Variants in ULK4 observed in about 807,000 individuals in gnomAD.
The protein encoded by ULK4 is inactive serine/threonine-protein kinase ULK4.
A neutral mutation model predicts 160.6 loss-of-function variants in ULK4; 133 were observed. The observed-to-expected ratio is 0.83, with a 90% CI of 0.72 to 0.96. The LOEUF (loss-of-function observed/expected upper bound fraction) is 0.96. Among genes scored for constraint, ULK4 ranks in the 40% least tolerant of loss-of-function variants. The pLI, the probability that ULK4 is intolerant of heterozygous loss-of-function variation, is 0.00. For missense variants in ULK4, 1,580 were observed against 1,499.5 expected, an observed-to-expected ratio of 1.05 and a Z score of -0.89; for synonymous variants, 534 against 539.8, an observed-to-expected ratio of 0.99 and a Z score of 0.15.
intron 16 of ULK4, among the ~76,000 whole-genome samples, chr3:41,886,019 G>A (rs1697707989): frequency 6.6e-6 from 1 of 152,044 alleles, no homozygotes; most frequent in South Asian, 2.1e-4. Flanking sequence ...CTGAGGGTGA[G>A]GGAGACAGTA....
chr3:41,280,482 T>C (rs1020521902), intron 35 of ULK4, among the ~76,000 whole-genome samples: 10 of 152,206 alleles, frequency 6.6e-5, no homozygotes, highest in African/African-American at 1.9e-4. Flanking sequence ...TGCAATCAAA[T>C]TAGAACTCAG....
At chr3:41,864,368 G>GTT (rs1559616703) in intron 17 of ULK4, among the ~76,000 whole-genome samples, 1 of 117,212 alleles carries the variant, frequency 8.5e-6, no homozygotes, top group Non-Finnish European at 2.0e-5. Flanking sequence ...GTTTTGTTTT[G>GTT]TTTTGTTTTG....
chr3:41,613,476 A>G (rs900065877), intron 31 of ULK4, among the ~76,000 whole-genome samples: 8 of 151,820 alleles, frequency 5.3e-5, no homozygotes, highest in Admixed American at 1.3e-4. Context: ...AACACCATTG[A>G]TTTGGAAAGT....
intron 35 of ULK4, among the ~76,000 whole-genome samples, chr3:41,279,257 A>AAAAAAC (rs1559501507): frequency 3.5e-5 from 4 of 115,264 alleles, no homozygotes; most frequent in African/African-American, 1.5e-4. Flanking sequence ...AAAAAGAGTA[A>AAAAAAC]AAAAAAAAAA....
intron 31 of ULK4, among the ~76,000 whole-genome samples, chr3:41,582,521 T>G (rs2576194): frequency 6.6e-6 from 1 of 152,120 alleles, no homozygotes; most frequent in Admixed American, 6.5e-5. Flanking sequence ...GTCAGCCTCA[T>G]GGTCAGCCCC....
At chr3:41,687,374 G>GAA (rs879559730) in intron 27 of ULK4, among the ~76,000 whole-genome samples, 1 of 119,814 alleles carries the variant, frequency 8.3e-6, no homozygotes, top group Admixed American at 8.2e-5. Context: ...TCCATCTCAA[G>GAA]AAAAAAAAAA....
intron 35 of ULK4, among the ~76,000 whole-genome samples, chr3:41,357,506 G>A (rs774715743): frequency 7.9e-5 from 12 of 152,116 alleles, no homozygotes; most frequent in Non-Finnish European, 1.3e-4. Flanking sequence ...TCTGCTTCCC[G>A]CGGTGTCAGT....
intron 12 of ULK4, among the ~76,000 whole-genome samples, chr3:41,904,501 T>C (rs1698484567): frequency 2.0e-5 from 3 of 152,216 alleles, no homozygotes; most frequent in Admixed American, 2.0e-4. Context: ...ATTCACATTA[T>C]TGATTATATT....
At chr3:41,612,277 C>A (rs1423771771) in intron 31 of ULK4, among the ~76,000 whole-genome samples, 1 of 152,056 alleles carries the variant, frequency 6.6e-6, no homozygotes, top group Non-Finnish European at 1.5e-5. Flanking sequence ...GCTGAACTCC[C>A]TCCTCCTTCC....
chr3:41,717,402 C>T (rs755960286), intron 23 of ULK4, among the ~76,000 whole-genome samples: 5 of 151,830 alleles, frequency 3.3e-5, no homozygotes, highest in East Asian at 1.9e-4. Flanking sequence ...AAAAAACTTA[C>T]GAAAAGTTAC....
intron 34 of ULK4, among the ~76,000 whole-genome samples, chr3:41,401,515 T>C (rs2082178091): frequency 6.6e-6 from 1 of 152,142 alleles, no homozygotes; most frequent in African/African-American, 2.4e-5. Flanking sequence ...AGTTCCGTGT[T>C]GTATCTATGG....
chr3:41,290,700 T>C (rs985247274), intron 35 of ULK4, among the ~76,000 whole-genome samples: 1 of 152,210 alleles, frequency 6.6e-6, no homozygotes, highest in Non-Finnish European at 1.5e-5. Flanking sequence ...CCAGAATTAT[T>C]TGAACTCCTC....
chr3:41,850,214 T>A (rs1365148393), intron 17 of ULK4, among the ~76,000 whole-genome samples: 2 of 152,220 alleles, frequency 1.3e-5, no homozygotes, highest in African/African-American at 4.8e-5. Context: ...TCTATCATTG[T>A]GGGACATTTG....
chr3:41,445,408 ATC>A (rs2083274825), intron 34 of ULK4, among the ~76,000 whole-genome samples: 10 of 151,904 alleles, frequency 6.6e-5, no homozygotes, highest in Admixed American at 5.9e-4. Context: ...AAGAGCCTGC[ATC>A]GCCAAGTCAA....
At chr3:41,294,534 T>C (rs1287456448) in intron 35 of ULK4, among the ~76,000 whole-genome samples, 2 of 152,050 alleles carry the variant, frequency 1.3e-5, no homozygotes, top group South Asian at 4.2e-4. Flanking sequence ...GAATCATGAG[T>C]TTTTCTGAAA....
chr3:41,830,415 T>A (rs975105698), intron 18 of ULK4, among the ~76,000 whole-genome samples: 2 of 151,960 alleles, frequency 1.3e-5, no homozygotes, highest in African/African-American at 4.8e-5. Context: ...CAAGTCTATA[T>A]AAAGAAAGCA....
intron 2 of ULK4, among the ~76,000 whole-genome samples, chr3:41,949,245 G>A (rs1700208710): frequency 6.6e-6 from 1 of 151,818 alleles, no homozygotes; most frequent in Non-Finnish European, 1.5e-5. Context: ...GGAGGCAAAG[G>A]TTGCAGTGTG....
chr3:41,926,473 G>A (rs1699388538), intron 5 of ULK4, among the ~76,000 whole-genome samples: 1 of 152,144 alleles, frequency 6.6e-6, no homozygotes, highest in Non-Finnish European at 1.5e-5. Flanking sequence ...CGCCAGCAAA[G>A]GAACAAAACT....
chr3:41,809,014 A>T (rs1157737723), intron 19 of ULK4, among the ~76,000 whole-genome samples: 1 of 152,070 alleles, frequency 6.6e-6, no homozygotes, highest in Admixed American at 6.6e-5. Context: ...AAAAATACAA[A>T]AATTAGCCAG....
Sources: gnomAD v4.1 joint callset for allele counts (sites outside exome capture counted in the v4.1 genomes callset) on GRCh38, gnomAD v4.1.1 for gene constraint, MANE v1.5 for transcripts, NCBI Gene and HGNC (gene_info 2026-07-23, HGNC 2026-07-21) for gene names.